ANGPTL1: variants seen among roughly 807,000 people sequenced by gnomAD.
ANGPTL1 encodes angiopoietin-related protein 1.
Under a neutral mutation model 46.7 loss-of-function variants are expected in ANGPTL1, and 36 were observed. That is an observed-to-expected ratio of 0.77 (90% CI 0.59 to 1.02). The LOEUF is 1.02. ANGPTL1 is among the 50% of genes least tolerant of loss of function. ANGPTL1 has a pLI of 0.00. For missense variants in ANGPTL1, 571 were observed against 594.7 expected (o/e 0.96, Z 0.41); for synonymous variants, 221 against 204.3 (o/e 1.08, Z -0.69).
chr1:178,864,801 A>T (rs764778387), intron 3 of ANGPTL1, among the ~76,000 whole-genome samples, 153 bp downstream of exon 3: 5 of 152,214 alleles, frequency 3.3e-5, no homozygotes, highest in Non-Finnish European at 5.9e-5. Flanking sequence ...GATGTATTTA[A>T]GTTCAATTCT....
intron 2 of ANGPTL1, among the ~76,000 whole-genome samples, chr1:178,867,979 G>A (rs191006355): frequency 7.2e-4 from 109 of 152,012 alleles, no homozygotes; most frequent in Middle Eastern, 3.4e-3. Flanking sequence ...AAATATAGAT[G>A]GAGTATGGAG....
At chr1:178,859,693 C>A (rs990816894) in intron 3 of ANGPTL1, among the ~76,000 whole-genome samples, 35 of 131,260 alleles carry the variant, frequency 2.7e-4, no homozygotes, top group Non-Finnish European at 4.2e-4. Context: ...ATACACGAAG[C>A]ACTTTTTTTT....
chr1:178,862,136 G>T (rs571736434), intron 3 of ANGPTL1, among the ~76,000 whole-genome samples: 1 of 152,098 alleles, frequency 6.6e-6, no homozygotes, highest in Non-Finnish European at 1.5e-5. Context: ...GCCTCCGAAA[G>T]TGTTGAGATT....
rs767288391 is a variant in ANGPTL1 at position 178,851,265 on chromosome 1, T to C, written c.1340A>G (p.His447Arg). 5.6e-6 allele frequency: 9 copies of C among 1,613,842 alleles called. No individual in the cohort carries two copies. The highest frequency in any genetic ancestry group is 7.6e-6 in the Non-Finnish European group (9 of 1,179,840). ...KGGWWYNACA[H>R]SNLNGVWYRG... ...GTACCATACTCCATTTAGGTTAGAATGTGCACAGGCATTGTACCACCAGCC... is the reference window on the plus strand; with the variant it reads ...GTACCATACTCCATTTAGGTTAGAACGTGCACAGGCATTGTACCACCAGCC... Residue 447 changes from histidine (H) to arginine (R), a missense_variant, in exon 6 of 6, where the codon CAT (histidine) becomes CGT (arginine). By Grantham distance (29) the His-to-Arg change is conservative (BLOSUM62 0). Transcript: ENST00000234816.
In ANGPTL1 at chr1:178,852,786, A is replaced by G. The variant is rs34332039; in HGVS notation, c.1185T>C (p.Tyr395=). The G allele has an allele frequency of 9.3e-4, 1,503 of 1,613,938 alleles. 8 individuals carry two copies. Among genetic ancestry groups the G allele is most frequent in the African/African-American group, 4.3e-3 (320 of 75,044 alleles). ...CCTGGTAAGTTCCCAGGCGCAGTCT[A>G]TAGAATTCACTTTCAGGTTCCAGAC... The part of the protein sequence containing the change: ...SFRLEPESEF[Y]RLRLGTYQGN... Residue 395 remains tyrosine (Y), a synonymous_variant, in exon 5 of 6, where the codon TAT becomes TAC. Transcript: ENST00000234816.
At chr1:178,852,986 A>G (rs777052895) in intron 4 of ANGPTL1, 33 bp from the exon 5 acceptor site, 3 of 1,578,666 alleles carry the variant, frequency 1.9e-6, no homozygotes, top group Admixed American at 1.8e-5. Context: ...GAGTGCATAA[A>G]TAAGTATAGA....
At chr1:178,863,190 A>C (rs1018400381) in intron 3 of ANGPTL1, among the ~76,000 whole-genome samples, 51 of 152,200 alleles carry the variant, frequency 3.4e-4, no homozygotes, top group African/African-American at 1.2e-3. Context: ...AATGAGGGAC[A>C]TGCACACAAG....
At chr1:178,859,724 A>G (rs1336261931) in intron 3 of ANGPTL1, among the ~76,000 whole-genome samples, 112 of 88,866 alleles carry the variant, frequency 1.3e-3, no homozygotes, top group African/African-American at 4.4e-3. Context: ...TTTGAGACGG[A>G]GTCTCGCTCT....
intron 3 of ANGPTL1, among the ~76,000 whole-genome samples, chr1:178,856,196 G>GATATATATAT (rs1449088390): frequency 2.4e-5 from 1 of 41,052 alleles, no homozygotes; most frequent in African/African-American, 1.0e-4. Flanking sequence ...TTTCCAGAGA[G>GATATATATAT]AGAGAGATAT....
rs181399616 is a variant in ANGPTL1 at position 178,866,780 on chromosome 1, A to C, written c.-26-978T>G. Reference sequence around the variant, plus strand: ...TCTGACCCATAGTCAGTATTTATAGAAGCAGCACCTATACTAAAATATGTG... The same window carrying C: ...TCTGACCCATAGTCAGTATTTATAGCAGCAGCACCTATACTAAAATATGTG... On this transcript the variant is annotated intron_variant, in intron 2 of 5. Transcript: ENST00000234816. Among the ~76,000 whole-genome samples, 30 of 152,278 alleles carry C rather than the reference A, an allele frequency of 2.0e-4. No homozygotes were observed. In the East Asian group the frequency reaches 5.2e-3, roughly 26 times the overall value.
rs544386023 is a variant in ANGPTL1 at position 178,855,570 on chromosome 1, C to G, written c.824-1783G>C. Among the ~76,000 whole-genome samples, 114 of 151,738 alleles carry G rather than the reference C, an allele frequency of 7.5e-4. 1 individual carries two copies. Among genetic ancestry groups the G allele is most frequent in the Non-Finnish European group, 1.4e-3 (96 of 67,848 alleles). Reference sequence around the variant, plus strand: ...GAAAGCCTTATTTATGGTGTCTTTCCTGCGTTATATTTATTTTAGGTATTG... The same window carrying G: ...GAAAGCCTTATTTATGGTGTCTTTCGTGCGTTATATTTATTTTAGGTATTG... On this transcript the variant is annotated intron_variant, in intron 3 of 5. Coordinates refer to ENST00000234816, the MANE Select transcript of ANGPTL1 (RefSeq NM_004673.4).
intron 3 of ANGPTL1, among the ~76,000 whole-genome samples, chr1:178,858,993 C>A (rs1657776661): frequency 1.3e-5 from 2 of 152,172 alleles, no homozygotes; most frequent in South Asian, 4.1e-4. Flanking sequence ...TTGGGTTGTG[C>A]ATTAACTTTC....
At chr1:178,851,766 A>G (rs1209573498) in intron 5 of ANGPTL1, among the ~76,000 whole-genome samples, 8 of 152,286 alleles carry the variant, frequency 5.3e-5, no homozygotes, top group African/African-American at 1.2e-4. Context: ...GTTATGGTCT[A>G]TCTCTCCTCT....
chr1:178,856,727 C>T (rs1657613731), intron 3 of ANGPTL1, among the ~76,000 whole-genome samples: 1 of 151,978 alleles, frequency 6.6e-6, no homozygotes, highest in Non-Finnish European at 1.5e-5. Flanking sequence ...ATAATTGTAG[C>T]TTATTTAATA....
intron 1 of ANGPTL1, among the ~76,000 whole-genome samples, chr1:178,870,405 G>A (rs913362056): frequency 3.3e-5 from 5 of 152,242 alleles, no homozygotes; most frequent in Admixed American, 1.3e-4. Flanking sequence ...TCATTGTGCT[G>A]TAAGCCTTAT....
chr1:178,858,244 A>T (rs1657727190), intron 3 of ANGPTL1, among the ~76,000 whole-genome samples: 1 of 152,148 alleles, frequency 6.6e-6, no homozygotes, highest in African/African-American at 2.4e-5. Flanking sequence ...ATCCTAGCAG[A>T]AATATTTTCT....
intron 5 of ANGPTL1, 62 bp downstream of exon 5, chr1:178,852,621 A>C (rs1657248142): frequency 1.3e-6 from 2 of 1,519,310 alleles, no homozygotes; most frequent in East Asian, 4.5e-5. Flanking sequence ...ATATATTAGT[A>C]GATTCTATTT....
intron 3 of ANGPTL1, among the ~76,000 whole-genome samples, chr1:178,856,846 C>T (rs1174784638): frequency 6.6e-6 from 1 of 152,126 alleles, no homozygotes; most frequent in African/African-American, 2.4e-5. Context: ...ACCTCATGTT[C>T]TGCAAATTCA....
rs1209147577 is a variant in ANGPTL1, at chr1:178,852,757, TTTCCCTGGTAAG to T, written c.1202_1213del (p.Thr401_Gly404del). On this transcript the variant is annotated inframe_deletion, in exon 5 of 6. Coordinates refer to ENST00000234816, the MANE Select transcript of ANGPTL1 (RefSeq NM_004673.4). Reference sequence around the variant, plus strand: ...ATGCCACATCATAGAATCCCCTGCATTTCCCTGGTAAGTTCCCAGGCGCAGTCTATAGAATTC... The same window carrying T: ...ATGCCACATCATAGAATCCCCTGCATTTCCCAGGCGCAGTCTATAGAATTC... The T allele has an allele frequency of 6.2e-7, 1 of 1,613,930 alleles. No homozygotes were observed. Among genetic ancestry groups the T allele is most frequent in the South Asian group, 1.1e-5 (1 of 91,074 alleles).
Sources: gnomAD v4.1 joint callset for allele counts (sites outside exome capture counted in the v4.1 genomes callset) on GRCh38, gnomAD v4.1.1 for gene constraint, MANE v1.5 for transcripts, NCBI Gene and HGNC (gene_info 2026-07-23, HGNC 2026-07-21) for gene names.